The following GALNT13 variants were observed in gnomAD, a reference collection of about 807,000 sequenced individuals.
The protein encoded by GALNT13 is polypeptide N-acetylgalactosaminyltransferase 13.
A neutral mutation model predicts 64.2 loss-of-function variants in GALNT13; 28 were observed. The ratio of observed to expected loss-of-function variants is 0.44; its 90% CI spans 0.32 to 0.60. The LOEUF (loss-of-function observed/expected upper bound fraction) is 0.60, where lower values mean the gene tolerates loss of function less well. Among genes scored for constraint, GALNT13 ranks in the 20% least tolerant of loss-of-function variants. GALNT13 has a pLI of 0.05. For synonymous variants in GALNT13, 214 were observed against 224.6 expected, an observed-to-expected ratio of 0.95 and a Z score of 0.42; for missense variants, 577 against 669.8, an observed-to-expected ratio of 0.86 and a Z score of 1.53.
the GALNT13 span, among the ~76,000 whole-genome samples, chr2:153,287,152 C>T: frequency 6.6e-6 from 1 of 152,292 alleles, no homozygotes; most frequent in South Asian, 2.1e-4. Context: ...CAGAAGTTCC[C>T]TAATCTCACT....
At position 154,018,964 on chromosome 2, in the gene GALNT13, G is replaced by A. The variant is rs1697226187; in HGVS notation, c.142+74325G>A. On this transcript the variant is annotated intron_variant, in intron 3 of 12. Transcript: ENST00000392825. Reference sequence around the variant, plus strand: ...AGGGAATAGAGAGAAATAACAGGGAGTAGGGAGGAAGAAAGATAAACGAGA... The same window carrying A: ...AGGGAATAGAGAGAAATAACAGGGAATAGGGAGGAAGAAAGATAAACGAGA... 3.3e-5 allele frequency among the ~76,000 whole-genome samples: 5 copies of A among 152,072 alleles called. No individual in the cohort carries two copies. In the South Asian group the frequency reaches 8.3e-4, roughly 25 times the overall value.
chr2:153,847,356 A>G, the GALNT13 span, among the ~76,000 whole-genome samples: 1 of 151,956 alleles, frequency 6.6e-6, no homozygotes, highest in Non-Finnish European at 1.5e-5. Flanking sequence ...CATTCAGAAT[A>G]TAGAAGATTT....
intron 3 of GALNT13, among the ~76,000 whole-genome samples, chr2:154,012,515 C>A (rs1439833946): frequency 2.6e-5 from 4 of 152,044 alleles, no homozygotes. Flanking sequence ...TTCATTATGA[C>A]CCTGGAAAAT....
At chr2:153,926,361 A>C (rs567934479) in intron 2 of GALNT13, 7 of 152,220 alleles carry the variant, frequency 4.6e-5, no homozygotes, top group African/African-American at 1.7e-4. Context: ...TTTCCACTTT[A>C]AATAATCACT....
At chr2:154,091,235 G>C (rs1382526256) in intron 3 of GALNT13, among the ~76,000 whole-genome samples, 1 of 151,870 alleles carries the variant, frequency 6.6e-6, no homozygotes, top group Non-Finnish European at 1.5e-5. Flanking sequence ...ATGTTATGTT[G>C]TAAAATTTTA....
chr2:153,691,758 G>A, the GALNT13 span, among the ~76,000 whole-genome samples: 12 of 152,054 alleles, frequency 7.9e-5, no homozygotes, highest in African/African-American at 2.9e-4. Flanking sequence ...AGGATGTGAA[G>A]CAACTAGAAC....
the GALNT13 span, among the ~76,000 whole-genome samples, chr2:153,297,506 C>T: frequency 1.3e-4 from 20 of 152,266 alleles, no homozygotes; most frequent in Middle Eastern, 3.4e-3. Context: ...GAAAAGAATA[C>T]TCCCTTAAGG....
chr2:153,655,098 A>G, the GALNT13 span, among the ~76,000 whole-genome samples: 3 of 152,150 alleles, frequency 2.0e-5, no homozygotes, highest in Non-Finnish European at 4.4e-5. Flanking sequence ...GAGAGGTATT[A>G]TTGAAGTAAC....
the GALNT13 span, among the ~76,000 whole-genome samples, chr2:153,647,737 T>G: frequency 1.1e-4 from 16 of 152,200 alleles, no homozygotes; most frequent in South Asian, 4.1e-4. Context: ...TTTCCCCATT[T>G]CTTGTTTTTC....
At chr2:153,382,237 G>A in the GALNT13 span, among the ~76,000 whole-genome samples, 221 of 151,996 alleles carry the variant, frequency 1.5e-3, 1 homozygote, top group Non-Finnish European at 1.5e-3. Context: ...TTTAGATGCA[G>A]GGGGTACATG....
the GALNT13 span, among the ~76,000 whole-genome samples, chr2:153,698,133 C>CA: frequency 6.6e-6 from 1 of 152,064 alleles, no homozygotes; most frequent in African/African-American, 2.4e-5. Flanking sequence ...CCAGCCACTG[C>CA]AAAAACACAC....
the GALNT13 span, among the ~76,000 whole-genome samples, chr2:153,271,299 G>A: frequency 1.3e-5 from 2 of 152,156 alleles, no homozygotes; most frequent in African/African-American, 4.8e-5. Context: ...GAAATAAAGG[G>A]TATTCAAACA....
chr2:153,534,895 A>G, the GALNT13 span, among the ~76,000 whole-genome samples: 1 of 152,136 alleles, frequency 6.6e-6, no homozygotes, highest in South Asian at 2.1e-4. Context: ...ATCTGGGTGT[A>G]TACGTGCAAG....
the GALNT13 span, among the ~76,000 whole-genome samples, chr2:153,786,737 C>T: frequency 2.6e-5 from 4 of 152,024 alleles, no homozygotes; most frequent in African/African-American, 9.7e-5. Context: ...GGAGGTGGAA[C>T]CCCCAGTGGC....
At chr2:153,521,638 C>T in the GALNT13 span, among the ~76,000 whole-genome samples, 3 of 152,322 alleles carry the variant, frequency 2.0e-5, no homozygotes, top group South Asian at 6.2e-4. Flanking sequence ...GTACCCACTA[C>T]TATAGTATCA....
At chr2:154,072,371 G>T (rs1262394580) in intron 3 of GALNT13, among the ~76,000 whole-genome samples, 3 of 152,046 alleles carry the variant, frequency 2.0e-5, no homozygotes, top group Non-Finnish European at 1.5e-5. Flanking sequence ...ATTTTTAAAA[G>T]AATTCTGAAT....
At chr2:153,227,761 A>G in the GALNT13 span, among the ~76,000 whole-genome samples, 1 of 152,196 alleles carries the variant, frequency 6.6e-6, no homozygotes, top group African/African-American at 2.4e-5. Context: ...CTTTGTGAGG[A>G]TATCAGCTAA....
the GALNT13 span, among the ~76,000 whole-genome samples, chr2:153,250,855 A>G: frequency 1.3e-5 from 2 of 152,006 alleles, no homozygotes; most frequent in African/African-American, 4.8e-5. Flanking sequence ...GGAGGGGGAC[A>G]TTACACACCA....
the GALNT13 span, among the ~76,000 whole-genome samples, chr2:153,294,277 G>A: frequency 6.6e-6 from 1 of 152,068 alleles, no homozygotes; most frequent in African/African-American, 2.4e-5. Context: ...TCAATACTCA[G>A]GTTCCCAGGA....
Sources: gnomAD v4.1 joint callset for allele counts (sites outside exome capture counted in the v4.1 genomes callset) on GRCh38, gnomAD v4.1.1 for gene constraint, MANE v1.5 for transcripts, NCBI Gene and HGNC (gene_info 2026-07-23, HGNC 2026-07-21) for gene names.